Variants in C1orf56 observed in about 807,000 individuals in gnomAD.
The protein encoded by C1orf56 is protein MENT.
C1orf56 carries 14 observed loss-of-function variants against 20.7 expected under a neutral mutation model. That is an observed-to-expected ratio of 0.68 (90% confidence interval 0.45 to 1.06). C1orf56 has a LOEUF of 1.06. C1orf56 is among the 50% of genes least tolerant of loss of function. The probability of loss-of-function intolerance (pLI) is 0.00; values close to 1 mark genes in which losing one functional copy is unlikely to be tolerated. For synonymous variants in C1orf56, 187 were observed against 194.7 expected, an observed-to-expected ratio of 0.96 and a Z score of 0.33; for missense variants, 424 against 451.4, an observed-to-expected ratio of 0.94 and a Z score of 0.55.
chr1:151,048,989 C>A lies in C1orf56; in HGVS notation c.1005+137C>A. 1 of 1,291,664 alleles carries A rather than the reference C, an allele frequency of 7.7e-7. No homozygotes were observed. The highest frequency in any genetic ancestry group is 1.0e-6 in the Non-Finnish European group (1 of 974,116). The allele number at this position is 1,291,664 out of a possible 1,614,324, so 80.0% of individuals were successfully genotyped here. On this transcript the variant is annotated intron_variant, in intron 1 of 1. Transcript: ENST00000368926. The surrounding 1 kb of genome is among the most constrained non-coding windows in gnomAD (Gnocchi z 4.8). ...TACCTGGTTATTGATTCATAACATG[C>A]ATTGGTTATTCACATTGTTAGCCAT...
chr1:151,050,474 CAT>C lies in C1orf56; in HGVS notation c.*17_*18del, dbSNP rs769892982. 4 of 1,607,062 alleles carry C rather than the reference CAT, an allele frequency of 2.5e-6. No homozygotes were observed. The highest frequency in any genetic ancestry group is 3.4e-6 in the Non-Finnish European group (4 of 1,177,048). ...CCAGAGGTAATGGCCACTTCATCCA[CAT>C]GAGGAGATGTCAGTATCTCAACCTC... On this transcript the variant is annotated 3_prime_UTR_variant, in exon 2 of 2. Coordinates refer to ENST00000368926, the MANE Select transcript of C1orf56 (RefSeq NM_017860.5).
Position 151,050,541 on chromosome 1 carries a change from G to C in C1orf56, c.*83G>C. 1 of 1,395,580 alleles carries C rather than the reference G, an allele frequency of 7.2e-7. No homozygotes were observed. Among genetic ancestry groups the C allele is most frequent in the Non-Finnish European group, 9.8e-7 (1 of 1,018,108 alleles). The allele number at this position is 1,395,580 out of a possible 1,614,324, so 86.4% of individuals were successfully genotyped here. On this transcript the variant is annotated 3_prime_UTR_variant, in exon 2 of 2. Transcript: ENST00000368926. ...TCCTAGCACCCACTAGATATTTTTA[G>C]TACAGAAAAACAAAACTGGAAAACA...
chr1:151,048,183 GATTAA>G lies in C1orf56; in HGVS notation c.337_341del (p.Ile113CysfsTer5). On this transcript the variant is annotated frameshift_variant, in exon 1 of 2. Transcript: ENST00000368926. LOFTEE classifies it high-confidence loss of function. This position sits in a 1 kb window ranked among gnomAD's most constrained non-coding sequence, Gnocchi z 4.8. ...ATGGGTCTTCAGAAGAGGGGGTTGT[GATTAA>G]TGCCGGAAAGGATAGCACCAGCAGA... is the stretch of plus-strand genomic sequence containing the variant. 1 of 1,614,224 alleles carries G rather than the reference GATTAA, an allele frequency of 6.2e-7. No homozygotes were observed. Among genetic ancestry groups the G allele is most frequent in the East Asian group, 2.2e-5 (1 of 44,882 alleles).
intron 1 of C1orf56, among the ~76,000 whole-genome samples, chr1:151,050,034 G>GT (rs1676144584): frequency 6.6e-6 from 1 of 152,240 alleles, no homozygotes; most frequent in Non-Finnish European, 1.5e-5. Flanking sequence ...TACAAAGCTA[G>GT]TAAGTGGCAG....
chr1:151,048,210 C>T lies in C1orf56; in HGVS notation c.363C>T (p.Ser121=). 1 of 1,614,238 alleles carries T rather than the reference C, an allele frequency of 6.2e-7. No homozygotes were observed. Among genetic ancestry groups the T allele is most frequent in the Non-Finnish European group, 8.5e-7 (1 of 1,180,046 alleles). The change falls in exon 1 of 2, where the codon AGC becomes AGT. Residue 121 remains serine (S), a synonymous_variant. Coordinates refer to ENST00000368926, the MANE Select transcript of C1orf56 (RefSeq NM_017860.5). This position sits in a 1 kb window ranked among gnomAD's most constrained non-coding sequence, Gnocchi z 4.8. ...VVINAGKDST[S]RELPSATPNT... The stretch of plus-strand genomic sequence containing the variant: ...TTAATGCCGGAAAGGATAGCACCAG[C>T]AGAGAGCTTCCCAGTGCGACTCCCA...
Position 151,048,786 on chromosome 1 carries a change from A to G in C1orf56, c.939A>G (p.Lys313=), listed in dbSNP as rs1676116032. The G allele has an allele frequency of 6.2e-7, 1 of 1,612,724 alleles. No individual in the cohort carries two copies. The highest frequency in any genetic ancestry group is 1.3e-5 in the African/African-American group (1 of 74,910). ...ASPCPALAFW[K]RVRIGLEDIW... ...CCTGCCCAGCCCTGGCTTTTTGGAA[A>G]CGGGTCAGGATTGGCCTGGAGGATA... is the stretch of plus-strand genomic sequence containing the variant. Residue 313 remains lysine, a synonymous_variant, in exon 1 of 2, where the codon AAA becomes AAG. Coordinates refer to ENST00000368926, the MANE Select transcript of C1orf56 (RefSeq NM_017860.5). This position sits in a 1 kb window ranked among gnomAD's most constrained non-coding sequence, Gnocchi z 4.8.
Position 151,050,506 on chromosome 1 carries a change from G to T in C1orf56, c.*48G>T. ...AGATGTCAGTATCTCAACCTCTCTT[G>T]CCCTTTCAATCCTAGCACCCACTAG... On this transcript the variant is annotated 3_prime_UTR_variant, in exon 2 of 2. Transcript: ENST00000368926. 2 of 1,566,750 alleles carry T rather than the reference G, an allele frequency of 1.3e-6. No homozygotes were observed. The highest frequency in any genetic ancestry group is 4.5e-5 in the East Asian group (2 of 44,340).
Position 151,048,917 on chromosome 1 carries a change from C to A in C1orf56, c.1005+65C>A. 6.7e-7 allele frequency: 1 copy of A among 1,503,270 alleles called. No homozygotes were observed. Among genetic ancestry groups the A allele is most frequent in the South Asian group, 1.4e-5 (1 of 72,792 alleles). The allele number at this position is 1,503,270 out of a possible 1,614,324, so 93.1% of individuals were successfully genotyped here. On this transcript the variant is annotated intron_variant, in intron 1 of 1. Coordinates refer to ENST00000368926, the MANE Select transcript of C1orf56 (RefSeq NM_017860.5). The surrounding 1 kb of genome is among the most constrained non-coding windows in gnomAD (Gnocchi z 4.8). ...TCTGAAAAGTCCTGGTATCTAAAAC[C>A]CAGTTGCTAAGCCAGCCAGTGTTGC...
rs1007267537 is a variant in C1orf56, at chr1:151,050,649, T to C, written c.*191T>C. The C allele has an allele frequency of 6.2e-6, 3 of 485,726 alleles. No homozygotes were observed. The highest frequency in any genetic ancestry group is 5.9e-5 in the African/African-American group (3 of 50,752). 30.1% of individuals were successfully genotyped at this position (485,726 alleles called of 1,614,324 possible). On this transcript the variant is annotated 3_prime_UTR_variant, in exon 2 of 2. Transcript: ENST00000368926. ...CCTTCATCCCTAAGACTGAACTATG[T>C]AACTAGCAGCCTCTGGCTTGTTTTC... is the stretch of plus-strand genomic sequence containing the variant.
In C1orf56 at chr1:151,048,602, A is replaced by G; in HGVS notation, c.755A>G (p.Gln252Arg). Reference protein sequence around the residue: ...RTEHKPCTYQQCPCNRLREEC... With the variant: ...RTEHKPCTYQRCPCNRLREEC... ...GAGCACAAGCCTTGCACCTATCAACAATGTCCCTGCAACCGACTTCGGGAA... is the reference window on the plus strand; with the variant it reads ...GAGCACAAGCCTTGCACCTATCAACGATGTCCCTGCAACCGACTTCGGGAA... The change falls in exon 1 of 2, where the codon CAA (glutamine) becomes CGA (arginine). Residue 252 changes from glutamine to arginine, a missense_variant. Transcript: ENST00000368926. This position sits in a 1 kb window ranked among gnomAD's most constrained non-coding sequence, Gnocchi z 4.8. 6.2e-7 allele frequency: 1 copy of G among 1,614,216 alleles called. No individual in the cohort carries two copies. The highest frequency in any genetic ancestry group is 8.5e-7 in the Non-Finnish European group (1 of 1,180,034).
In C1orf56 at chr1:151,048,371, G is replaced by A. The variant is rs759906547; in HGVS notation, c.524G>A (p.Trp175Ter). The stretch of plus-strand genomic sequence containing the variant: ...GGCTCGCAGGCCACCCTGAGCCAGT[G>A]GTCCACACCTGGGTCTACCCCGAGC... ...LPGSQATLSQWSTPGSTPSRW... is the reference protein window; with the variant it reads ...LPGSQATLSQ The change falls in exon 1 of 2, where the codon TGG (tryptophan) becomes TAG (stop). Residue 175 changes from tryptophan (W) to a stop codon, truncating the protein, a stop_gained. Coordinates refer to ENST00000368926, the MANE Select transcript of C1orf56 (RefSeq NM_017860.5). LOFTEE classifies it high-confidence loss of function. This position sits in a 1 kb window ranked among gnomAD's most constrained non-coding sequence, Gnocchi z 4.8. 1 of 1,613,354 alleles carries A rather than the reference G, an allele frequency of 6.2e-7. No homozygotes were observed. Among genetic ancestry groups the A allele is most frequent in the South Asian group, 1.1e-5 (1 of 91,086 alleles).
Position 151,048,097 on chromosome 1 carries a change from G to A in C1orf56, c.250G>A (p.Glu84Lys), listed in dbSNP as rs747113567. 7 of 1,613,430 alleles carry A rather than the reference G, an allele frequency of 4.3e-6. No individual in the cohort carries two copies. Among genetic ancestry groups the A allele is most frequent in the Non-Finnish European group, 5.9e-6 (7 of 1,180,012 alleles). ...ADRLAGPAAAELLAATVSTGF... is the reference protein window; with the variant it reads ...ADRLAGPAAAKLLAATVSTGF... Reference sequence around the variant, plus strand: ...CCGCCTGGCTGGACCAGCGGCTGCCGAGCTCTTGGCCGCCACGGTGTCCAC... The same window carrying A: ...CCGCCTGGCTGGACCAGCGGCTGCCAAGCTCTTGGCCGCCACGGTGTCCAC... The change falls in exon 1 of 2, where the codon GAG (glutamate) becomes AAG (lysine). Residue 84 changes from glutamate to lysine, a missense_variant. Coordinates refer to ENST00000368926, the MANE Select transcript of C1orf56 (RefSeq NM_017860.5). The surrounding 1 kb of genome is among the most constrained non-coding windows in gnomAD (Gnocchi z 4.8).
Position 151,050,602 on chromosome 1 carries a change from T to C in C1orf56, c.*144T>C. The C allele has an allele frequency of 1.3e-6, 1 of 776,488 alleles. No individual in the cohort carries two copies. The highest frequency in any genetic ancestry group is 2.1e-6 in the Non-Finnish European group (1 of 484,822). 48.1% of individuals were successfully genotyped at this position (776,488 alleles called of 1,614,324 possible). The stretch of plus-strand genomic sequence containing the variant: ...TCTTGTGTTTCTTTACAGAGGTACC[T>C]GAGGGAGGAGAGACATAAATCCCTT... On this transcript the variant is annotated 3_prime_UTR_variant, in exon 2 of 2. Transcript: ENST00000368926.
In C1orf56 at chr1:151,047,899, C is replaced by G. The variant is rs775891550; in HGVS notation, c.52C>G (p.Pro18Ala). Residue 18 changes from proline to alanine, a missense_variant, in exon 1 of 2, where the codon CCC becomes GCC. Coordinates refer to ENST00000368926, the MANE Select transcript of C1orf56 (RefSeq NM_017860.5). ...GTGGGTCCTGCTGCTGAATCTGGGT[C>G]CCCGGGCGGCGGGGGCCCAAGGCCT... The part of the protein sequence containing the change: ...LLWVLLLNLG[P>A]RAAGAQGLTQ... The G allele has an allele frequency of 6.2e-7, 1 of 1,606,880 alleles. No individual in the cohort carries two copies. Among genetic ancestry groups the G allele is most frequent in the Non-Finnish European group, 8.5e-7 (1 of 1,176,726 alleles).
In C1orf56 at chr1:151,048,670, G is replaced by A; in HGVS notation, c.823G>A (p.Ala275Thr). 4 of 1,613,024 alleles carry A rather than the reference G, an allele frequency of 2.5e-6. No individual in the cohort carries two copies. The highest frequency in any genetic ancestry group is 3.4e-6 in the Non-Finnish European group (4 of 1,179,376). Residue 275 changes from alanine to threonine, a missense_variant, in exon 1 of 2, where the codon GCC becomes ACC. Transcript: ENST00000368926. This position sits in a 1 kb window ranked among gnomAD's most constrained non-coding sequence, Gnocchi z 4.8. ...DTSLCTDTNC[A>T]SQSTTSTRTT... ...AAGTCTCTGTACTGACACCAACTGT[G>A]CCTCTCAGAGCACCACCAGTACCAG...
Position 151,050,445 on chromosome 1 carries a change from G to A in C1orf56, c.1013G>A (p.Arg338Lys), listed in dbSNP as rs1461699890. The A allele has an allele frequency of 6.2e-7, 1 of 1,610,022 alleles. No homozygotes were observed. Among genetic ancestry groups the A allele is most frequent in the South Asian group, 1.1e-5 (1 of 90,108 alleles). Residue 338 changes from arginine to lysine, a missense_variant, in exon 2 of 2, where the codon AGA (arginine) becomes AAA (lysine). Transcript: ENST00000368926. Reference protein sequence around the residue: ...SVFTEMQPIDRNQR With the variant: ...SVFTEMQPIDKNQR ...TTTTTTTTTCTTACGCAGATAGACA[G>A]AAACCAGAGGTAATGGCCACTTCAT...
Position 151,048,126 on chromosome 1 carries a change from C to T in C1orf56, c.279C>T (p.Gly93=), listed in dbSNP as rs934034759. The part of the protein sequence containing the change: ...AELLAATVST[G]FSRSSAINEE... Reference sequence around the variant, plus strand: ...TCTTGGCCGCCACGGTGTCCACCGGCTTTAGCCGGTCGTCCGCCATTAACG... The same window carrying T: ...TCTTGGCCGCCACGGTGTCCACCGGTTTTAGCCGGTCGTCCGCCATTAACG... Residue 93 remains glycine (G), a synonymous_variant, in exon 1 of 2, where the codon GGC becomes GGT. Transcript: ENST00000368926. This position sits in a 1 kb window ranked among gnomAD's most constrained non-coding sequence, Gnocchi z 4.8. The T allele has an allele frequency of 6.2e-7, 1 of 1,613,442 alleles. No homozygotes were observed. The highest frequency in any genetic ancestry group is 8.5e-7 in the Non-Finnish European group (1 of 1,180,014).
Position 151,047,804 on chromosome 1 carries a change from G to T in C1orf56, c.-44G>T. The T allele has an allele frequency of 2.0e-6, 3 of 1,486,568 alleles. No individual in the cohort carries two copies. The highest frequency in any genetic ancestry group is 2.4e-5 in the Admixed American group (1 of 41,322). 92.1% of individuals were successfully genotyped at this position (1,486,568 alleles called of 1,614,324 possible). A position where few individuals can be genotyped will look rare whatever the true frequency, so the allele number is the denominator to read the frequency against. Reference sequence around the variant, plus strand: ...GGAGGGAGCGAAGGTAGGAGGCAGGGCTTGCCTCACTGGCCACCCTCCCAA... The same window carrying T: ...GGAGGGAGCGAAGGTAGGAGGCAGGTCTTGCCTCACTGGCCACCCTCCCAA... On this transcript the variant is annotated 5_prime_UTR_variant, in exon 1 of 2. Transcript: ENST00000368926.
Position 151,050,557 on chromosome 1 carries a change from CT to C in C1orf56, c.*100del. ...ATATTTTTAGTACAGAAAAACAAAA[CT>C]GGAAAACACATTGTTTGGTCTTGTG... On this transcript the variant is annotated 3_prime_UTR_variant, in exon 2 of 2. Coordinates refer to ENST00000368926, the MANE Select transcript of C1orf56 (RefSeq NM_017860.5). 1 of 1,172,532 alleles carries C rather than the reference CT, an allele frequency of 8.5e-7. No individual in the cohort carries two copies. The highest frequency in any genetic ancestry group is 1.2e-6 in the Non-Finnish European group (1 of 818,756). The allele number at this position is 1,172,532 out of a possible 1,614,324, so 72.6% of individuals were successfully genotyped here. A position where few individuals can be genotyped will look rare whatever the true frequency, so the allele number is the denominator to read the frequency against.
Sources: gnomAD v4.1 joint callset for allele counts (sites outside exome capture counted in the v4.1 genomes callset) on GRCh38, gnomAD v4.1.1 for gene constraint, Gnocchi (gnomAD v3.1) non-coding constraint, MANE v1.5 for transcripts, NCBI Gene and HGNC (gene_info 2026-07-23, HGNC 2026-07-21) for gene names.